DOCK5: variants seen among roughly 807,000 people sequenced by gnomAD.
The protein encoded by DOCK5 is dedicator of cytokinesis protein 5.
DOCK5 carries 142 observed loss-of-function variants against 251.8 expected under a neutral mutation model. That is an observed-to-expected ratio of 0.56 (90% CI 0.49 to 0.65). DOCK5 has a LOEUF of 0.65. Among genes scored for constraint, DOCK5 ranks in the 30% least tolerant of loss-of-function variants. DOCK5 has a pLI of 0.00. For synonymous variants in DOCK5, 842 were observed against 835.5 expected, an observed-to-expected ratio of 1.01 and a Z score of -0.13; for missense variants, 2,111 against 2,312.3, an observed-to-expected ratio of 0.91 and a Z score of 1.79.
intron 2 of DOCK5, among the ~76,000 whole-genome samples, chr8:25,252,788 C>T (rs1468089912): frequency 6.6e-6 from 1 of 152,096 alleles, no homozygotes; most frequent in African/African-American, 2.4e-5. Context: ...TCTATTTTTC[C>T]TTTTCAGGTA....
chr8:25,349,300 A>AACTATGAAAAACAG (rs1186477546), intron 26 of DOCK5, among the ~76,000 whole-genome samples: 6 of 152,198 alleles, frequency 3.9e-5, no homozygotes, highest in Non-Finnish European at 4.4e-5. Context: ...CAGTATGAAA[A>AACTATGAAAAACAG]ACTATGAAAA....
At chr8:25,396,640 C>T (rs1396100885) in intron 45 of DOCK5, among the ~76,000 whole-genome samples, 2 of 152,198 alleles carry the variant, frequency 1.3e-5, no homozygotes, top group East Asian at 3.9e-4. Context: ...TGAATATAAA[C>T]TTTTTGGATA....
At chr8:25,393,694 T>A (rs1002711059) in intron 44 of DOCK5, among the ~76,000 whole-genome samples, 3 of 152,154 alleles carry the variant, frequency 2.0e-5, no homozygotes, top group Admixed American at 2.0e-4. Flanking sequence ...AATGAATCCA[T>A]CTCTGGAACA....
Position 25,325,427 on chromosome 8 carries a change from A to G in DOCK5, c.1783A>G (p.Met595Val). The change falls in exon 18 of 52, where the codon ATG (methionine) becomes GTG (valine). Residue 595 changes from methionine to valine, a missense_variant. This residue lies in a region of DOCK5 where 1,717 missense variants were observed against 1,892.4 expected (regional missense o/e 0.91). Coordinates refer to ENST00000276440, the MANE Select transcript of DOCK5 (RefSeq NM_024940.8). ...YLTLPGTKMEMEEKELQASKN... is the reference protein window; with the variant it reads ...YLTLPGTKMEVEEKELQASKN... ...GACCCTGCCTGGAACCAAGATGGAGATGGAAGAAAAAGAGCTTCAAGCATC... is the reference window on the plus strand; with the variant it reads ...GACCCTGCCTGGAACCAAGATGGAGGTGGAAGAAAAAGAGCTTCAAGCATC... 6.2e-7 allele frequency: 1 copy of G among 1,613,998 alleles called. No individual in the cohort carries two copies. Among genetic ancestry groups the G allele is most frequent in the Non-Finnish European group, 8.5e-7 (1 of 1,179,870 alleles).
intron 41 of DOCK5, 45 bp from the exon 42 acceptor site, chr8:25,390,161 C>T: frequency 6.6e-7 from 1 of 1,520,804 alleles, no homozygotes; most frequent in East Asian, 2.4e-5. Flanking sequence ...GTGTCTGACA[C>T]CTTCACGACC....
intron 5 of DOCK5, among the ~76,000 whole-genome samples, chr8:25,290,457 G>T (rs1804456763): frequency 6.6e-6 from 1 of 152,314 alleles, no homozygotes; most frequent in South Asian, 2.1e-4. Flanking sequence ...TCAAGTATTT[G>T]ATTCTTAAAA....
At position 25,408,029 on chromosome 8, in the gene DOCK5, A is replaced by G; in HGVS notation, c.5140A>G (p.Arg1714Gly). 6.2e-7 allele frequency: 1 copy of G among 1,612,528 alleles called. No homozygotes were observed. Among genetic ancestry groups the G allele is most frequent in the East Asian group, 2.2e-5 (1 of 44,866 alleles). The change falls in exon 49 of 52, where the codon AGA becomes GGA. Residue 1714 changes from arginine (R) to glycine (G), a missense_variant. By Grantham distance (125) the Arg-to-Gly change is moderately radical. This residue lies in a region of DOCK5 where 1,717 missense variants were observed against 1,892.4 expected (regional missense o/e 0.91). Coordinates refer to ENST00000276440, the MANE Select transcript of DOCK5 (RefSeq NM_024940.8). ...LLERRASSGA[R>G]VEDLSLREEN... is the part of the protein sequence containing the mutation. ...GGAGCGCAGGGCCTCGTCAGGTGCC[A>G]GAGTTGAAGATCTGTCCCTTAGAGA...
chr8:25,310,910 G>A (rs1368489365), intron 13 of DOCK5, among the ~76,000 whole-genome samples: 1 of 152,112 alleles, frequency 6.6e-6, no homozygotes, highest in Non-Finnish European at 1.5e-5. Context: ...CTTTTACGCA[G>A]ACTCTCTCAA....
chr8:25,197,494 G>A (rs1713528171), intron 1 of DOCK5, among the ~76,000 whole-genome samples: 1 of 151,046 alleles, frequency 6.6e-6, no homozygotes, highest in Non-Finnish European at 1.5e-5. Flanking sequence ...TATTTCCACA[G>A]CTGATTAAAC....
rs763758410 is a variant in DOCK5, at chr8:25,410,939, ATGTGTG to A, written c.5509-226_5509-221del. Among the ~76,000 whole-genome samples the A allele has an allele frequency of 3.7e-3, 373 of 102,134 alleles. 5 individuals carry two copies. Among genetic ancestry groups the A allele is most frequent in the African/African-American group, 0.011 (323 of 30,472 alleles). The allele number at this position is 102,134 out of a possible 152,430, so 67.0% of individuals were successfully genotyped here. A position where few individuals can be genotyped will look rare whatever the true frequency, so the allele number is the denominator to read the frequency against. ...TATGGCAGCGAGAGAGAGAGAGAAAATGTGTGTGTGTGTGTGTGTGTGTGTGTGTGT... is the reference window on the plus strand; with the variant it reads ...TATGGCAGCGAGAGAGAGAGAGAAAATGTGTGTGTGTGTGTGTGTGTGTGT... On this transcript the variant is annotated intron_variant, in intron 51 of 51. Coordinates refer to ENST00000276440, the MANE Select transcript of DOCK5 (RefSeq NM_024940.8).
At chr8:25,303,365 G>C (rs1051981819) in intron 10 of DOCK5, among the ~76,000 whole-genome samples, 4 of 152,140 alleles carry the variant, frequency 2.6e-5, no homozygotes, top group African/African-American at 7.2e-5. Context: ...GATTTTAGTG[G>C]AATAAAATAC....
intron 1 of DOCK5, among the ~76,000 whole-genome samples, chr8:25,192,408 A>G (rs1272187641): frequency 6.6e-6 from 1 of 152,224 alleles, no homozygotes; most frequent in Non-Finnish European, 1.5e-5. Context: ...GTGTTTCCCA[A>G]GTTCCACTTG....
At chr8:25,370,778 C>T (rs1027883449) in intron 34 of DOCK5, among the ~76,000 whole-genome samples, 2 of 152,008 alleles carry the variant, frequency 1.3e-5, no homozygotes, top group Non-Finnish European at 2.9e-5. Context: ...GTAGCTAGGA[C>T]TGTAGGCGTG....
At chr8:25,214,650 TG>T (rs1802188385) in intron 1 of DOCK5, among the ~76,000 whole-genome samples, 1 of 152,152 alleles carries the variant, frequency 6.6e-6, no homozygotes, top group Non-Finnish European at 1.5e-5. Flanking sequence ...TCTCTTAAAG[TG>T]TGACTTAAAT....
intron 22 of DOCK5, among the ~76,000 whole-genome samples, chr8:25,337,063 G>A (rs1484081523): frequency 6.6e-6 from 1 of 152,038 alleles, no homozygotes; most frequent in Non-Finnish European, 1.5e-5. Context: ...GTTACATATA[G>A]TACAGATGAA....
intron 13 of DOCK5, among the ~76,000 whole-genome samples, chr8:25,314,825 T>C (rs1210541186): frequency 2.9e-5 from 4 of 136,036 alleles, no homozygotes; most frequent in African/African-American, 1.1e-4. Context: ...TGATATCTCC[T>C]TTTCCTTTAT....
Position 25,400,960 on chromosome 8 carries a change from A to G in DOCK5, c.4820A>G (p.His1607Arg). The change falls in exon 47 of 52, where the codon CAT becomes CGT. Residue 1607 changes from histidine (H) to arginine (R), a missense_variant. This residue lies in a region of DOCK5 where 1,717 missense variants were observed against 1,892.4 expected (regional missense o/e 0.91). Coordinates refer to ENST00000276440, the MANE Select transcript of DOCK5 (RefSeq NM_024940.8). Reference protein sequence around the residue: ...MPLLTEGIRIHGEKLTEQLKP... With the variant: ...MPLLTEGIRIRGEKLTEQLKP... The stretch of plus-strand genomic sequence containing the variant: ...CTGCTAACAGAAGGGATCCGCATCC[A>G]TGGGGAGAAACTCACAGAGCAGCTG... The G allele has an allele frequency of 1.9e-6, 3 of 1,613,980 alleles. No homozygotes were observed. The highest frequency in any genetic ancestry group is 2.5e-6 in the Non-Finnish European group (3 of 1,179,882).
chr8:25,343,939 G>T (rs1177127472), intron 25 of DOCK5, among the ~76,000 whole-genome samples: 1 of 152,168 alleles, frequency 6.6e-6, no homozygotes. Flanking sequence ...CCAAGTAGCT[G>T]GGATTACAGG....
rs1211629850 is a variant in DOCK5 at position 25,403,690 on chromosome 8, T to C, written c.5059T>C (p.Ser1687Pro). Residue 1687 changes from serine (S) to proline (P), a missense_variant, in exon 48 of 52, where the codon TCT becomes CCT. Ser to Pro is a moderately conservative substitution (Grantham distance 74). Coordinates refer to ENST00000276440, the MANE Select transcript of DOCK5 (RefSeq NM_024940.8). ...TGTGGTTTCCACCTCTTCAAACTCGTCTGACAATGCTCCTTCCAGACCGGG... is the reference window on the plus strand; with the variant it reads ...TGTGGTTTCCACCTCTTCAAACTCGCCTGACAATGCTCCTTCCAGACCGGG... Reference protein sequence around the residue: ...SSVVSTSSNSSDNAPSRPGSD... With the variant: ...SSVVSTSSNSPDNAPSRPGSD... 1 of 1,613,982 alleles carries C rather than the reference T, an allele frequency of 6.2e-7. No individual in the cohort carries two copies. The highest frequency in any genetic ancestry group is 8.5e-7 in the Non-Finnish European group (1 of 1,179,870).
Sources: gnomAD v4.1 joint callset for allele counts (sites outside exome capture counted in the v4.1 genomes callset) on GRCh38, gnomAD v4.1.1 for gene constraint, gnomAD v4.1.1 regional missense constraint, MANE v1.5 for transcripts, NCBI Gene and HGNC (gene_info 2026-07-23, HGNC 2026-07-21) for gene names.